Variants in TENM3 observed in about 807,000 individuals in gnomAD.
The protein encoded by TENM3 is teneurin-3.
A neutral mutation model predicts 255.1 loss-of-function variants in TENM3; 63 were observed. The ratio of observed to expected loss-of-function variants is 0.25; its 90% CI spans 0.20 to 0.30. The LOEUF (loss-of-function observed/expected upper bound fraction) is 0.30, where lower values mean the gene tolerates loss of function less well. TENM3 is among the 10% of genes least tolerant of loss of function. The pLI, the probability that TENM3 is intolerant of heterozygous loss-of-function variation, is 1.00. For synonymous variants in TENM3, 1,306 were observed against 1,322.3 expected, an observed-to-expected ratio of 0.99 and a Z score of 0.27; for missense variants, 2,929 against 3,461.1, an observed-to-expected ratio of 0.85 and a Z score of 3.86.
chr4:182,572,791 A>C (rs76645984), intron 3 of TENM3, among the ~76,000 whole-genome samples: 1 of 152,334 alleles, frequency 6.6e-6, no homozygotes, highest in East Asian at 1.9e-4. Context: ...ACTCATATTC[A>C]TTGTGATACC....
At chr4:181,999,101 C>T in the TENM3 span, among the ~76,000 whole-genome samples, 10 of 152,282 alleles carry the variant, frequency 6.6e-5, no homozygotes, top group African/African-American at 2.4e-4. Context: ...CCCTTTAATT[C>T]CAGATTTTGA....
At chr4:181,719,298 A>G in the TENM3 span, among the ~76,000 whole-genome samples, 1 of 152,166 alleles carries the variant, frequency 6.6e-6, no homozygotes, top group African/African-American at 2.4e-5. Context: ...TCTCCTTAGA[A>G]AATCTGCATG....
rs138364448 is a variant in TENM3 at position 182,293,242 on chromosome 4, T to C, written c.-75-30704T>C. 7.1e-4 allele frequency among the ~76,000 whole-genome samples: 108 copies of C among 152,278 alleles called. 2 individuals are homozygous for C. Among genetic ancestry groups the C allele is most frequent in the African/African-American group, 2.5e-3 (103 of 41,562 alleles). ...TAGTCTGCTGCCCATCTTCCTCCAC[T>C]GCCCACGAGCATCTTTGAGGCGATT... On this transcript the variant is annotated intron_variant, in intron 1 of 27. Transcript: ENST00000511685.
the TENM3 span, among the ~76,000 whole-genome samples, chr4:181,541,380 G>C: frequency 6.6e-6 from 1 of 151,976 alleles, no homozygotes; most frequent in Non-Finnish European, 1.5e-5. Context: ...GCGAGATCCT[G>C]TCTCTTAAAA....
intron 3 of TENM3, among the ~76,000 whole-genome samples, chr4:182,584,168 A>T (rs1224111379): frequency 1.3e-5 from 2 of 152,264 alleles, no homozygotes. Flanking sequence ...ATAAAACAGT[A>T]CTTGATAGAT....
At chr4:181,945,384 C>T in the TENM3 span, among the ~76,000 whole-genome samples, 1 of 152,112 alleles carries the variant, frequency 6.6e-6, no homozygotes, top group African/African-American at 2.4e-5. Flanking sequence ...ATCCGAAGAG[C>T]AAGATGGCCG....
intron 1 of TENM3, among the ~76,000 whole-genome samples, chr4:182,307,240 G>A (rs1340985964): frequency 2.6e-5 from 4 of 152,120 alleles, no homozygotes; most frequent in Non-Finnish European, 5.9e-5. Flanking sequence ...ATTACTACTT[G>A]GTGACCCACA....
At chr4:182,262,134 C>T (rs1236617273) in intron 1 of TENM3, among the ~76,000 whole-genome samples, 2 of 152,158 alleles carry the variant, frequency 1.3e-5, no homozygotes, top group African/African-American at 4.8e-5. Context: ...CATTTTTTTA[C>T]AGCAATTAAG....
the TENM3 span, among the ~76,000 whole-genome samples, chr4:181,844,635 T>A: frequency 1.3e-5 from 2 of 150,932 alleles, no homozygotes; most frequent in African/African-American, 2.4e-5. Flanking sequence ...ACCACTGCAC[T>A]CCAGCCTGGG....
the TENM3 span, among the ~76,000 whole-genome samples, chr4:181,951,763 A>G: frequency 6.6e-6 from 1 of 152,244 alleles, no homozygotes; most frequent in African/African-American, 2.4e-5. Context: ...TTCTTAAGTT[A>G]CTTACAGTTA....
chr4:182,222,592 T>C (rs1271840156), intron 1 of TENM3, among the ~76,000 whole-genome samples: 1 of 152,234 alleles, frequency 6.6e-6, no homozygotes, highest in African/African-American at 2.4e-5. Flanking sequence ...TAGTTTATCG[T>C]TGCAAAGTGG....
the TENM3 span, among the ~76,000 whole-genome samples, chr4:181,843,992 A>G: frequency 0.021 from 3,184 of 152,142 alleles, 53 homozygotes; most frequent in Middle Eastern, 0.048. Flanking sequence ...TGCTGGGATT[A>G]CAGACATGAG....
At chr4:182,705,095 C>A (rs578221500) in intron 12 of TENM3, among the ~76,000 whole-genome samples, 1 of 152,148 alleles carries the variant, frequency 6.6e-6, no homozygotes, top group South Asian at 2.1e-4. Flanking sequence ...TAAGGAACAT[C>A]AAATCAATGG....
chr4:182,452,482 T>C (rs976947178), intron 3 of TENM3, among the ~76,000 whole-genome samples: 43 of 152,244 alleles, frequency 2.8e-4, no homozygotes, highest in African/African-American at 9.9e-4. Flanking sequence ...CGGAACTTCC[T>C]GGCAGAGAGA....
chr4:182,064,765 G>A, the TENM3 span, among the ~76,000 whole-genome samples: 1 of 152,160 alleles, frequency 6.6e-6, no homozygotes, highest in African/African-American at 2.4e-5. Context: ...ACGAAGTGAA[G>A]AGGGTCTGAC....
chr4:181,773,466 C>T, the TENM3 span, among the ~76,000 whole-genome samples: 2 of 152,172 alleles, frequency 1.3e-5, no homozygotes, highest in Non-Finnish European at 2.9e-5. Context: ...TGAAATGCAC[C>T]TTAAAGACTA....
At chr4:181,909,451 T>C in the TENM3 span, among the ~76,000 whole-genome samples, 1 of 152,148 alleles carries the variant, frequency 6.6e-6, no homozygotes, top group East Asian at 1.9e-4. Flanking sequence ...TCAGCTCATC[T>C]AGCTCACCTT....
chr4:181,705,464 G>A, the TENM3 span, among the ~76,000 whole-genome samples: 19 of 152,320 alleles, frequency 1.2e-4, no homozygotes, highest in Non-Finnish European at 2.6e-4. Context: ...CCAGCTTGCT[G>A]CTGCCTAACC....
At chr4:182,452,698 A>G (rs1420068961) in intron 3 of TENM3, among the ~76,000 whole-genome samples, 2 of 152,372 alleles carry the variant, frequency 1.3e-5, no homozygotes, top group Admixed American at 6.5e-5. Flanking sequence ...ATCCAGAAAC[A>G]TTGACTGTTT....
Sources: allele counts gnomAD v4.1 joint callset (sites outside exome capture counted in the v4.1 genomes callset), GRCh38; gene constraint gnomAD v4.1.1; transcripts MANE v1.5; gene names NCBI Gene and HGNC (gene_info 2026-07-23, HGNC 2026-07-21).